CCDC192: variants seen among roughly 807,000 people sequenced by gnomAD.
CCDC192 encodes coiled-coil domain containing 192, also known as coiled-coil domain-containing protein 192.
At chr5:127,763,187 G>T (rs1176236802) in intron 3 of CCDC192, among the ~76,000 whole-genome samples, 1 of 152,120 alleles carries the variant, frequency 6.6e-6, no homozygotes, top group African/African-American at 2.4e-5. Flanking sequence ...CTCCACCAAG[G>T]TTCTCACAGA....
At chr5:127,859,373 C>G (rs892537886) in intron 5 of CCDC192, among the ~76,000 whole-genome samples, 3 of 151,980 alleles carry the variant, frequency 2.0e-5, no homozygotes, top group African/African-American at 7.3e-5. Flanking sequence ...TAATTAGTTC[C>G]CCTTCTGATT....
At chr5:127,703,147 T>C (rs533921086), upstream of CCDC192, among the ~76,000 whole-genome samples, 1 of 152,210 alleles carries the variant, frequency 6.6e-6, no homozygotes. Flanking sequence ...ATGCCTTGGT[T>C]TGAGCACAAA....
chr5:127,726,682 C>T lies in CCDC192; in HGVS notation c.114+18922C>T, dbSNP rs568280054. Among the ~76,000 whole-genome samples the T allele has an allele frequency of 2.0e-5, 3 of 152,310 alleles. No individual in the cohort carries two copies. In the South Asian group the frequency reaches 6.2e-4, roughly 32 times the overall value. On this transcript the variant is annotated intron_variant, in intron 2 of 6. Transcript: ENST00000514853. ...CAGATTGCCTCTTGAGGCTGGACCT[C>T]GACCCATCCTTTCTCACTGGTCAGG...
At chr5:127,713,633 C>T (rs1347451326) in intron 2 of CCDC192, among the ~76,000 whole-genome samples, 5 of 152,022 alleles carry the variant, frequency 3.3e-5, no homozygotes, top group Admixed American at 6.6e-5. Flanking sequence ...AATCTTTGCC[C>T]GAGGCTACAA....
intron 5 of CCDC192, among the ~76,000 whole-genome samples, chr5:127,818,864 A>G (rs1045392555): frequency 1.3e-5 from 2 of 152,230 alleles, no homozygotes; most frequent in Non-Finnish European, 2.9e-5. Context: ...ATAGCTGGCT[A>G]CAGCCATTGG....
chr5:127,905,706 A>C (rs1459849755), intron 6 of CCDC192, among the ~76,000 whole-genome samples: 1 of 152,232 alleles, frequency 6.6e-6, no homozygotes, highest in African/African-American at 2.4e-5. Context: ...AGAGAATTGG[A>C]ATGCAAAAAA....
intron 5 of CCDC192, among the ~76,000 whole-genome samples, chr5:127,842,462 C>T (rs1056568111): frequency 6.6e-6 from 1 of 152,178 alleles, no homozygotes; most frequent in Non-Finnish European, 1.5e-5. Flanking sequence ...AAGCAATCCT[C>T]CCACCTTGGC....
intron 6 of CCDC192, among the ~76,000 whole-genome samples, chr5:127,918,255 A>C (rs1338836388): frequency 1.3e-5 from 2 of 151,606 alleles, no homozygotes; most frequent in Non-Finnish European, 2.9e-5. Context: ...ACAAAGTGCA[A>C]TAAAGTGAAG....
At chr5:127,932,353 C>T (rs575249573) in intron 6 of CCDC192, among the ~76,000 whole-genome samples, 95 of 151,768 alleles carry the variant, frequency 6.3e-4, no homozygotes, top group Admixed American at 1.4e-3. Context: ...TACAGGCATG[C>T]GCCACCACGC....
At chr5:127,800,085 A>G (rs367709585) in intron 5 of CCDC192, among the ~76,000 whole-genome samples, 5 of 152,162 alleles carry the variant, frequency 3.3e-5, no homozygotes, top group African/African-American at 4.8e-5. Context: ...TGATTTTGCT[A>G]TTACAACTTG....
chr5:127,842,790 A>G (rs538894691), intron 5 of CCDC192, among the ~76,000 whole-genome samples: 8 of 152,178 alleles, frequency 5.3e-5, no homozygotes, highest in Non-Finnish European at 7.3e-5. Context: ...ACTCAGAGCT[A>G]TGATGTCTTA....
At chr5:127,877,399 G>A (rs1306502329) in intron 6 of CCDC192, among the ~76,000 whole-genome samples, 1 of 151,496 alleles carries the variant, frequency 6.6e-6, no homozygotes, top group African/African-American at 2.4e-5. Flanking sequence ...GGGTATTTAT[G>A]AACAGATGCA....
chr5:127,803,721 A>G (rs540028828), intron 5 of CCDC192, among the ~76,000 whole-genome samples: 5 of 152,200 alleles, frequency 3.3e-5, no homozygotes, highest in Admixed American at 6.5e-5. Flanking sequence ...CCCATCTCTC[A>G]GTTTCCAGCC....
At chr5:127,918,944 T>C (rs939542754) in intron 6 of CCDC192, among the ~76,000 whole-genome samples, 2 of 145,796 alleles carry the variant, frequency 1.4e-5, no homozygotes, top group African/African-American at 2.6e-5. Context: ...TGTGTGTATA[T>C]ATGTGTATAT....
chr5:127,727,020 G>C (rs1054017776), intron 2 of CCDC192, among the ~76,000 whole-genome samples: 1 of 152,178 alleles, frequency 6.6e-6, no homozygotes, highest in Non-Finnish European at 1.5e-5. Flanking sequence ...GTGCCCCTCT[G>C]GGACAGAGCT....
intron 2 of CCDC192, among the ~76,000 whole-genome samples, chr5:127,752,660 T>A (rs1754271954): frequency 6.6e-6 from 1 of 152,236 alleles, no homozygotes; most frequent in Non-Finnish European, 1.5e-5. Flanking sequence ...GCTTCCGGGC[T>A]GCTTTGTTTA....
chr5:127,921,807 C>T (rs1753730013), intron 6 of CCDC192, among the ~76,000 whole-genome samples: 1 of 152,126 alleles, frequency 6.6e-6, no homozygotes, highest in Non-Finnish European at 1.5e-5. Context: ...GTAATTCATT[C>T]CCTGGCTCTC....
At chr5:127,754,480 CACACACACACACAT>C (rs1754449333) in intron 3 of CCDC192, 105 bp downstream of exon 3, 1 of 361,762 alleles carries the variant, frequency 2.8e-6, no homozygotes, top group East Asian at 3.8e-5. Flanking sequence ...GATACACACA[CACACACACACACAT>C]ACACACACAC....
intron 6 of CCDC192, among the ~76,000 whole-genome samples, chr5:127,908,200 T>G (rs1753251461): frequency 6.6e-6 from 1 of 152,214 alleles, no homozygotes; most frequent in Admixed American, 6.5e-5. Flanking sequence ...TGCTTTTTTT[T>G]GTTTCCAGAT....
Sources: gnomAD v4.1 joint callset for allele counts (sites outside exome capture counted in the v4.1 genomes callset) on GRCh38, gnomAD v4.1.1 for gene constraint, MANE v1.5 for transcripts, NCBI Gene and HGNC (gene_info 2026-07-23, HGNC 2026-07-21) for gene names.